FABP6: variants seen among roughly 807,000 people sequenced by gnomAD.
The protein encoded by FABP6 is gastrotropin.
A neutral mutation model predicts 14.9 loss-of-function variants in FABP6; 13 were observed. The ratio of observed to expected loss-of-function variants is 0.87; its 90% confidence interval spans 0.57 to 1.39. FABP6 has a LOEUF of 1.39. FABP6 is among the 40% of genes most tolerant of loss of function. The pLI is 0.00. For synonymous variants in FABP6, 75 were observed against 63.6 expected (o/e 1.18, Z -0.85); for missense variants, 161 against 167.2 (o/e 0.96, Z 0.20).
chr5:160,204,331 GATAAAA>G (rs1759712710), intron 2 of FABP6, among the ~76,000 whole-genome samples: 1 of 150,794 alleles, frequency 6.6e-6, no homozygotes, highest in Non-Finnish European at 1.5e-5. Context: ...ATAAAATAAA[GATAAAA>G]ATAAAAATAA....
intron 2 of FABP6, among the ~76,000 whole-genome samples, chr5:160,200,605 G>A (rs1232166517): frequency 6.6e-6 from 1 of 152,104 alleles, no homozygotes; most frequent in African/African-American, 2.4e-5. Flanking sequence ...GTAGAGACGG[G>A]GTTTCACCAT....
chr5:160,188,072 C>T (rs1157776116), intron 1 of FABP6, among the ~76,000 whole-genome samples: 1 of 151,096 alleles, frequency 6.6e-6, no homozygotes, highest in South Asian at 2.1e-4. Context: ...TTTTTTATTT[C>T]TCCAGGCTAC....
chr5:160,198,889 C>T, intron 1 of FABP6: 1 of 574,738 alleles, frequency 1.7e-6, no homozygotes, highest in East Asian at 2.9e-5. Flanking sequence ...TTCTTAATTC[C>T]TGGAGGGCAG....
intron 2 of FABP6, chr5:160,199,240 G>A (rs138753107): frequency 7.1e-6 from 10 of 1,411,846 alleles, no homozygotes; most frequent in Middle Eastern, 1.8e-4. Context: ...ACCTTGGGTG[G>A]GGGACTTGCT....
At chr5:160,227,361 C>G (rs975030874), upstream of FABP6, among the ~76,000 whole-genome samples, 15 of 151,954 alleles carry the variant, frequency 9.9e-5, no homozygotes, top group Non-Finnish European at 1.8e-4. Flanking sequence ...ACAGTGAAAC[C>G]TTGTCTCTAC....
intron 1 of FABP6, among the ~76,000 whole-genome samples, chr5:160,230,294 T>C (rs1332961027): frequency 2.6e-5 from 4 of 152,140 alleles, no homozygotes; most frequent in Non-Finnish European, 4.4e-5. Flanking sequence ...CAGCTAGTAA[T>C]TGGTAAAGTG....
intron 3 of FABP6, among the ~76,000 whole-genome samples, chr5:160,222,707 TAAAAAG>T (rs1008343077): frequency 2.6e-5 from 4 of 152,200 alleles, no homozygotes; most frequent in African/African-American, 9.7e-5. Context: ...TAAAAGTTGT[TAAAAAG>T]AAAAGAAAAA....
At chr5:160,219,802 G>C (rs1760093515) in intron 3 of FABP6, among the ~76,000 whole-genome samples, 1 of 152,156 alleles carries the variant, frequency 6.6e-6, no homozygotes, top group African/African-American at 2.4e-5. Context: ...AGCTTCTCAA[G>C]GCTGCTGAGC....
chr5:160,218,682 A>G (rs2113116851), intron 3 of FABP6, among the ~76,000 whole-genome samples: 2 of 151,262 alleles, frequency 1.3e-5, no homozygotes, highest in South Asian at 4.2e-4. Context: ...GGTGGTCTAG[A>G]ACTCTTGACT....
chr5:160,236,494 TC>T (rs1171263474), intron 3 of FABP6, among the ~76,000 whole-genome samples: 1 of 152,028 alleles, frequency 6.6e-6, no homozygotes, highest in Non-Finnish European at 1.5e-5. Flanking sequence ...TTCCGTGCCC[TC>T]CCATTATACT....
intron 1 of FABP6, among the ~76,000 whole-genome samples, chr5:160,194,588 A>T (rs1048847542): frequency 3.3e-5 from 5 of 152,248 alleles, no homozygotes; most frequent in Non-Finnish European, 7.4e-5. Context: ...GAGAGAGAGA[A>T]AGAAATCCCC....
In FABP6 at chr5:160,213,930, CTGCAT is replaced by C. The variant is rs1253867133; in HGVS notation, c.135+114_135+118del. On this transcript the variant is annotated intron_variant, in intron 3 of 6. Transcript: ENST00000393980. ...TATCCCTGGGCTCCTTGAGATCCTTCTGCATTGTTAGAATATTAGGTTGCACCATC... is the reference window on the plus strand; with the variant it reads ...TATCCCTGGGCTCCTTGAGATCCTTCTGTTAGAATATTAGGTTGCACCATC... 4.6e-6 allele frequency: 4 copies of C among 871,012 alleles called. No homozygotes were observed. The African/African-American group carries it at 6.6e-5, about 14-fold the overall frequency. 54.0% of individuals were successfully genotyped at this position (871,012 alleles called of 1,614,324 possible).
chr5:160,192,293 C>G (rs1285225366), intron 1 of FABP6, among the ~76,000 whole-genome samples: 1 of 151,654 alleles, frequency 6.6e-6, no homozygotes, highest in Admixed American at 6.6e-5. Flanking sequence ...TCCCAAGTGG[C>G]TGATACTACA....
intron 2 of FABP6, among the ~76,000 whole-genome samples, chr5:160,204,504 G>A (rs112883287): frequency 6.6e-6 from 1 of 151,700 alleles, no homozygotes; most frequent in Non-Finnish European, 1.5e-5. Flanking sequence ...TTTAGGGGGG[G>A]TGGGGATGGA....
At chr5:160,223,332 C>CCCTTCCTTCCTTACTTCCTTCCTT in intron 3 of FABP6, among the ~76,000 whole-genome samples, 1 of 93,408 alleles carries the variant, frequency 1.1e-5, no homozygotes, top group Non-Finnish European at 2.0e-5. Context: ...TTTTTGCCCG[C>CCCTTCCTTCCTTACTTCCTTCCTT]CCTTCCTTCC....
At chr5:160,226,122 C>T (rs1017755979), upstream of FABP6, among the ~76,000 whole-genome samples, 4 of 151,320 alleles carry the variant, frequency 2.6e-5, no homozygotes, top group Non-Finnish European at 5.9e-5. Context: ...TGCAGTGAGT[C>T]GAGATGTGAC....
At chr5:160,193,612 T>C (rs1449421254) in intron 1 of FABP6, among the ~76,000 whole-genome samples, 4 of 152,068 alleles carry the variant, frequency 2.6e-5, no homozygotes, top group Non-Finnish European at 4.4e-5. Flanking sequence ...ATTAGTTAGA[T>C]ACAGAGTATC....
At chr5:160,235,315 T>C (rs1043323874) in intron 3 of FABP6, among the ~76,000 whole-genome samples, 1 of 152,172 alleles carries the variant, frequency 6.6e-6, no homozygotes, top group Non-Finnish European at 1.5e-5. Context: ...CCATTCCTTT[T>C]CCATGAGGGA....
chr5:160,231,528 G>C (rs1169378853), intron 1 of FABP6, among the ~76,000 whole-genome samples: 1 of 152,160 alleles, frequency 6.6e-6, no homozygotes, highest in Admixed American at 6.5e-5. Flanking sequence ...CAAGTAGCCA[G>C]TATTACAGGC....
Sources: gnomAD v4.1 joint callset for allele counts (sites outside exome capture counted in the v4.1 genomes callset) on GRCh38, gnomAD v4.1.1 for gene constraint, MANE v1.5 for transcripts, NCBI Gene and HGNC (gene_info 2026-07-23, HGNC 2026-07-21) for gene names.